The following TMEM177 variants were observed in gnomAD, a reference collection of about 807,000 sequenced individuals.
The protein encoded by TMEM177 is transmembrane protein 177.
In TMEM177, 4 loss-of-function variants were observed where a neutral mutation model predicts 14.2. That is an observed-to-expected ratio of 0.28 (90% CI 0.14 to 0.64). The LOEUF (loss-of-function observed/expected upper bound fraction) is 0.64. Among genes scored for constraint, TMEM177 ranks in the 30% least tolerant of loss-of-function variants. TMEM177 has a pLI of 0.82. For missense variants in TMEM177, 344 were observed against 405.2 expected (o/e 0.85, Z 1.30); for synonymous variants, 179 against 174.5 (o/e 1.03, Z -0.20).
chr2:119,710,339 G>T, the TMEM177 span, among the ~76,000 whole-genome samples: 1 of 152,194 alleles, frequency 6.6e-6, no homozygotes, highest in Non-Finnish European at 1.5e-5. Flanking sequence ...GTCAAGGGAG[G>T]CACTGCAAGA....
At chr2:119,690,382 C>A (rs530689799), downstream of TMEM177, among the ~76,000 whole-genome samples, 48 of 152,302 alleles carry the variant, frequency 3.2e-4, no homozygotes, top group Middle Eastern at 3.4e-3. Context: ...AACCATGAGC[C>A]AGTTAAACCT....
At chr2:119,698,750 A>C in the TMEM177 span, 4,029 of 152,852 alleles carry the variant, frequency 0.026, 56 homozygotes, top group Non-Finnish European at 0.032. Context: ...TGATCCCAGC[A>C]CTTTGGGAGG....
At chr2:119,698,567 G>A in the TMEM177 span, 1 of 156,196 alleles carries the variant, frequency 6.4e-6, no homozygotes, top group African/African-American at 2.4e-5. Flanking sequence ...ACCTAGGATG[G>A]AAGTGAAACA....
chr2:119,695,709 T>G, the TMEM177 span, among the ~76,000 whole-genome samples: 4 of 152,268 alleles, frequency 2.6e-5, no homozygotes, highest in Non-Finnish European at 5.9e-5. Context: ...TATCAGTTTG[T>G]AAACACTCTC....
chr2:119,720,516 C>T, the TMEM177 span, among the ~76,000 whole-genome samples: 10 of 152,146 alleles, frequency 6.6e-5, no homozygotes, highest in Non-Finnish European at 1.0e-4. Flanking sequence ...ATGATCCGCC[C>T]ACCTCGGCCT....
the TMEM177 span, among the ~76,000 whole-genome samples, chr2:119,693,347 T>C: frequency 6.6e-6 from 1 of 152,192 alleles, no homozygotes; most frequent in African/African-American, 2.4e-5. Flanking sequence ...ATCTCAGTCA[T>C]GCGGTCACTG....
rs763206778 is a variant in TMEM177, at chr2:119,681,558, G to C, written c.705G>C (p.Thr235=). ...HAVESWLDRR[T]ASLSAAYACG... ...TGGAGTCCTGGCTGGACCGCCGCAC[G>C]GCCTCCCTCTCTGCAGCCTATGCCT... The change falls in exon 2 of 2, where the codon ACG becomes ACC. Residue 235 remains threonine (T), a synonymous_variant. Transcript: ENST00000272521. The C allele has an allele frequency of 6.2e-7, 1 of 1,614,178 alleles. No individual in the cohort carries two copies. The highest frequency in any genetic ancestry group is 1.1e-5 in the South Asian group (1 of 91,088).
chr2:119,716,171 A>G, the TMEM177 span, among the ~76,000 whole-genome samples: 1 of 152,172 alleles, frequency 6.6e-6, no homozygotes. Context: ...CTGACTGTGG[A>G]GCCTCCTTAG....
Position 119,681,846 on chromosome 2 carries a change from TG to T in TMEM177, c.*59del. ...GCAGACACCACCCTGCCATTGAGTC[TG>T]GAGGGCCCTGTTGGAGCCTTTGGAC... On this transcript the variant is annotated 3_prime_UTR_variant, in exon 2 of 2. Coordinates refer to ENST00000272521, the MANE Select transcript of TMEM177 (RefSeq NM_030577.3). The T allele has an allele frequency of 6.5e-7, 1 of 1,535,488 alleles. No homozygotes were observed. The highest frequency in any genetic ancestry group is 8.9e-7 in the Non-Finnish European group (1 of 1,125,020).
At chr2:119,704,973 A>C in the TMEM177 span, among the ~76,000 whole-genome samples, 1 of 152,184 alleles carries the variant, frequency 6.6e-6, no homozygotes, top group Non-Finnish European at 1.5e-5. Flanking sequence ...CTGGAAGGGA[A>C]AGTTGCGGCT....
chr2:119,690,377 T>G (rs1689076115), downstream of TMEM177, among the ~76,000 whole-genome samples: 1 of 152,204 alleles, frequency 6.6e-6, no homozygotes, highest in African/African-American at 2.4e-5. Flanking sequence ...TGTGGAACCA[T>G]GAGCCAGTTA....
chr2:119,680,778 C>T, intron 1 of TMEM177, 54 bp from the exon 2 acceptor site: 1 of 1,417,462 alleles, frequency 7.1e-7, no homozygotes, highest in East Asian at 2.4e-5. Flanking sequence ...GGAGGATGTT[C>T]AGTCTGCAGG....
Position 119,681,693 on chromosome 2 carries a change from C to G in TMEM177, c.840C>G (p.Pro280=), listed in dbSNP as rs116577552. 1 of 1,614,084 alleles carries G rather than the reference C, an allele frequency of 6.2e-7. No individual in the cohort carries two copies. The highest frequency in any genetic ancestry group is 1.3e-5 in the African/African-American group (1 of 74,926). Residue 280 remains proline, a synonymous_variant, in exon 2 of 2, where the codon CCC becomes CCG. Coordinates refer to ENST00000272521, the MANE Select transcript of TMEM177 (RefSeq NM_030577.3). ...KLYTPSGNIV[P]RHLFRIKHLP... ...ATACACCCAGCGGGAACATCGTCCC[C>G]AGACACTTGTTCCGAATCAAACATT...
At chr2:119,713,073 CTT>C in the TMEM177 span, among the ~76,000 whole-genome samples, 6,396 of 146,530 alleles carry the variant, frequency 0.044, 447 homozygotes, top group African/African-American at 0.15. Flanking sequence ...TAATGGTTTT[CTT>C]TTTTTTTTTT....
rs1558688894 is a variant in TMEM177 at position 119,681,762 on chromosome 2, G to A, written c.909G>A (p.Arg303=). 1 of 1,613,990 alleles carries A rather than the reference G, an allele frequency of 6.2e-7. No individual in the cohort carries two copies. Among genetic ancestry groups the A allele is most frequent in the Non-Finnish European group, 8.5e-7 (1 of 1,179,920 alleles). Residue 303 remains arginine (R), a synonymous_variant, in exon 2 of 2, where the codon AGG becomes AGA. Coordinates refer to ENST00000272521, the MANE Select transcript of TMEM177 (RefSeq NM_030577.3). The part of the protein sequence containing the change: ...TRRDSVLQMW[R]GMLNPGRS ...GGGACTCTGTGCTGCAGATGTGGAG[G>A]GGGATGCTCAATCCGGGCCGCTCCT...
the TMEM177 span, among the ~76,000 whole-genome samples, chr2:119,706,733 G>A: frequency 1.3e-4 from 20 of 151,958 alleles, no homozygotes; most frequent in African/African-American, 3.6e-4. Context: ...CTCCAGGACC[G>A]GTGAAGCTGC....
chr2:119,719,473 G>C, the TMEM177 span, among the ~76,000 whole-genome samples: 1 of 152,168 alleles, frequency 6.6e-6, no homozygotes. Context: ...GTGCTGCCCC[G>C]GCCTCGTCAG....
chr2:119,718,955 G>A, the TMEM177 span, among the ~76,000 whole-genome samples: 1 of 152,194 alleles, frequency 6.6e-6, no homozygotes, highest in Non-Finnish European at 1.5e-5. Flanking sequence ...GCCTGGCAAT[G>A]TTGTTAAAGT....
chr2:119,710,316 T>C, the TMEM177 span, among the ~76,000 whole-genome samples: 4 of 152,338 alleles, frequency 2.6e-5, 1 homozygote, highest in Admixed American at 2.6e-4. Context: ...GTATTTTGGC[T>C]TTCCCCTCCT....
Sources: gnomAD v4.1 joint callset for allele counts (sites outside exome capture counted in the v4.1 genomes callset) on GRCh38, gnomAD v4.1.1 for gene constraint, MANE v1.5 for transcripts, NCBI Gene and HGNC (gene_info 2026-07-23, HGNC 2026-07-21) for gene names.